The following UST variants were observed in gnomAD, a reference collection of about 807,000 sequenced individuals.
UST encodes the protein chondroitin sulfate 2-O-sulfotransferase.
Under a neutral mutation model 45.6 loss-of-function variants are expected in UST, and 21 were observed. That is an observed-to-expected ratio of 0.46 (90% CI 0.33 to 0.66). UST has a LOEUF of 0.66. Among genes scored for constraint, UST ranks in the 30% least tolerant of loss-of-function variants. The pLI is 0.02. For synonymous variants in UST, 215 were observed against 200.6 expected, an observed-to-expected ratio of 1.07 and a Z score of -0.61; for missense variants, 463 against 512.4, an observed-to-expected ratio of 0.90 and a Z score of 0.93.
At position 148,747,615 on chromosome 6, in the gene UST, C is replaced by G; in HGVS notation, c.185C>G (p.Ser62Cys). 6.2e-7 allele frequency: 1 copy of G among 1,603,444 alleles called. No individual in the cohort carries two copies. The highest frequency in any genetic ancestry group is 1.1e-5 in the South Asian group (1 of 89,030). ...ACCCTGCTGGTCTTCTGCCTGGGCT[C>G]CCTCCTCTATCAGCTCAGCGGGGGA... is the stretch of plus-strand genomic sequence containing the variant. Reference protein sequence around the residue: ...MATLLVFCLGSLLYQLSGGPP... With the variant: ...MATLLVFCLGCLLYQLSGGPP... Residue 62 changes from serine to cysteine, a missense_variant, in exon 1 of 8, where the codon TCC (serine) becomes TGC (cysteine). Physicochemically the swap from Ser to Cys is moderately radical, Grantham distance 112. Coordinates refer to ENST00000367463, the MANE Select transcript of UST (RefSeq NM_005715.3).
chr6:148,995,640 G>A (rs1032658505), intron 5 of UST, among the ~76,000 whole-genome samples: 2 of 152,238 alleles, frequency 1.3e-5, no homozygotes, highest in South Asian at 2.1e-4. Flanking sequence ...GTGACTTGCC[G>A]ACGTGTTTTG....
Position 149,007,838 on chromosome 6 carries a change from C to T in UST, c.682-11301C>T, listed in dbSNP as rs937746095. Among the ~76,000 whole-genome samples the T allele has an allele frequency of 9.8e-5, 15 of 152,300 alleles. No individual in the cohort carries two copies. The South Asian group carries it at 2.7e-3, about 27-fold the overall frequency. ...GAAAAACCAAGAGGCCAGTTGCTTC[C>T]TCTTGCTGTCTTACATTTTTGTATT... On this transcript the variant is annotated intron_variant, in intron 5 of 7. Coordinates refer to ENST00000367463, the MANE Select transcript of UST (RefSeq NM_005715.3).
intron 1 of UST, among the ~76,000 whole-genome samples, chr6:148,814,204 G>C (rs766779842): frequency 1.1e-3 from 169 of 152,260 alleles, no homozygotes; most frequent in Non-Finnish European, 1.9e-3. Flanking sequence ...AGAACAGAGG[G>C]CAGGAGGAGC....
chr6:148,813,717 C>T lies in UST; in HGVS notation c.247+66040C>T, dbSNP rs528105990. 1.4e-4 allele frequency among the ~76,000 whole-genome samples: 22 copies of T among 152,254 alleles called. No homozygotes were observed. In the South Asian group the frequency reaches 1.7e-3, roughly 11 times the overall value. ...TAATTGGCAAGAAACTTGACCATTA[C>T]GAAATAGAATGTGTCCTTCACCATT... On this transcript the variant is annotated intron_variant, in intron 1 of 7. Transcript: ENST00000367463.
At chr6:148,891,188 C>T (rs1027464472) in intron 2 of UST, among the ~76,000 whole-genome samples, 4 of 152,148 alleles carry the variant, frequency 2.6e-5, no homozygotes, top group Non-Finnish European at 4.4e-5. Context: ...GCCGTGGCCT[C>T]TGCAGCATCA....
intron 1 of UST, among the ~76,000 whole-genome samples, chr6:148,773,513 T>C (rs1776473158): frequency 6.6e-6 from 1 of 152,018 alleles, no homozygotes; most frequent in South Asian, 2.1e-4. Context: ...ATGACATGTA[T>C]GTATTAAGAG....
At chr6:148,849,331 CTTT>C (rs1490032511) in intron 1 of UST, among the ~76,000 whole-genome samples, 1 of 152,172 alleles carries the variant, frequency 6.6e-6, no homozygotes, top group Non-Finnish European at 1.5e-5. Context: ...AAACCTCCTT[CTTT>C]GAGTATAAGA....
chr6:148,926,962 A>G (rs1462978052), intron 2 of UST, among the ~76,000 whole-genome samples: 1 of 151,560 alleles, frequency 6.6e-6, no homozygotes, highest in Admixed American at 6.6e-5. Context: ...TTTTTTTCAT[A>G]TTGAAGGTGA....
chr6:148,966,178 C>G (rs190001095), intron 5 of UST, among the ~76,000 whole-genome samples: 1 of 151,718 alleles, frequency 6.6e-6, no homozygotes, highest in East Asian at 1.9e-4. Flanking sequence ...GAGCCAAGAT[C>G]GTGCTACTGC....
At chr6:148,920,208 C>G (rs1467477929) in intron 2 of UST, among the ~76,000 whole-genome samples, 2 of 152,168 alleles carry the variant, frequency 1.3e-5, no homozygotes, top group Non-Finnish European at 2.9e-5. Context: ...AATTAGACTC[C>G]CAATTATGTT....
At chr6:148,834,890 A>C (rs1258419943) in intron 1 of UST, among the ~76,000 whole-genome samples, 6 of 152,220 alleles carry the variant, frequency 3.9e-5, no homozygotes. Context: ...TGCTAATAGA[A>C]AACAGCCATT....
chr6:148,838,724 T>G (rs1009644297), intron 1 of UST, among the ~76,000 whole-genome samples: 1 of 152,052 alleles, frequency 6.6e-6, no homozygotes, highest in Admixed American at 6.6e-5. Flanking sequence ...ATAAGATCCC[T>G]GTCACCCCTG....
At chr6:148,990,532 T>C (rs921959469) in intron 5 of UST, 13 of 491,596 alleles carry the variant, frequency 2.6e-5, no homozygotes, top group Non-Finnish European at 3.4e-5. Context: ...GACGTTCAGA[T>C]TCATATTTTC....
At chr6:148,865,759 A>G (rs2114807348) in intron 1 of UST, among the ~76,000 whole-genome samples, 2 of 151,780 alleles carry the variant, frequency 1.3e-5, no homozygotes, top group Middle Eastern at 3.4e-3. Context: ...GTGTTGAAAA[A>G]TGGACTTAAG....
chr6:148,995,897 C>G (rs1464675958), intron 5 of UST, among the ~76,000 whole-genome samples: 4 of 152,194 alleles, frequency 2.6e-5, no homozygotes, highest in African/African-American at 7.2e-5. Flanking sequence ...GCACAGGGCC[C>G]TATTCATGCA....
chr6:148,998,167 A>G (rs1335508697), intron 5 of UST, among the ~76,000 whole-genome samples: 1 of 152,234 alleles, frequency 6.6e-6, no homozygotes, highest in African/African-American at 2.4e-5. Flanking sequence ...GGGGCCATAA[A>G]TAACTTTTAT....
intron 1 of UST, among the ~76,000 whole-genome samples, chr6:148,826,862 G>A (rs1777576970): frequency 6.6e-6 from 1 of 152,080 alleles, no homozygotes; most frequent in Non-Finnish European, 1.5e-5. Context: ...GTCAGGTTCA[G>A]TGCCTCTCAT....
At chr6:148,861,024 G>A (rs1455740154) in intron 1 of UST, among the ~76,000 whole-genome samples, 1 of 152,182 alleles carries the variant, frequency 6.6e-6, no homozygotes, top group Non-Finnish European at 1.5e-5. Flanking sequence ...ATGAGTTAGG[G>A]AGGATTCCCT....
intron 1 of UST, among the ~76,000 whole-genome samples, chr6:148,877,171 A>T (rs1778678080): frequency 5.9e-5 from 3 of 50,702 alleles, no homozygotes; most frequent in Non-Finnish European, 1.0e-4. Flanking sequence ...GGCATCATGT[A>T]TGAGTGTGGG....
Sources: gnomAD v4.1 joint callset for allele counts (sites outside exome capture counted in the v4.1 genomes callset) on GRCh38, gnomAD v4.1.1 for gene constraint, MANE v1.5 for transcripts, NCBI Gene and HGNC (gene_info 2026-07-23, HGNC 2026-07-21) for gene names.